Variants in STK33 observed in about 807,000 individuals in gnomAD.
STK33 encodes serine/threonine kinase 33.
Under a neutral mutation model 58.0 loss-of-function variants are expected in STK33, and 52 were observed. The observed-to-expected ratio is 0.90, with a 90% CI of 0.72 to 1.13. The LOEUF is 1.13. Ranked by LOEUF, STK33 falls within the 50% of genes most tolerant of loss-of-function variation. The pLI is 0.00. For missense variants in STK33, 630 were observed against 604.2 expected (o/e 1.04, Z -0.45); for synonymous variants, 215 against 200.1 (o/e 1.07, Z -0.63).
chr11:8,395,921 A>G (rs1381446056), intron 15 of STK33, among the ~76,000 whole-genome samples: 1 of 152,222 alleles, frequency 6.6e-6, no homozygotes, highest in Non-Finnish European at 1.5e-5. Flanking sequence ...AGTAGCATAC[A>G]AGAGTGCCTG....
At chr11:8,507,525 T>C (rs1445037983) in intron 1 of STK33, among the ~76,000 whole-genome samples, 2 of 152,128 alleles carry the variant, frequency 1.3e-5, no homozygotes, top group African/African-American at 4.8e-5. Context: ...CGAAGAGTCT[T>C]TGATGACTCC....
chr11:8,359,328 G>A, the STK33 span, among the ~76,000 whole-genome samples: 4 of 152,224 alleles, frequency 2.6e-5, no homozygotes, highest in Non-Finnish European at 5.9e-5. Context: ...AATGCATGCT[G>A]AAGTGTTTTC....
At chr11:8,492,721 A>G (rs1223092371) in intron 1 of STK33, among the ~76,000 whole-genome samples, 1 of 152,234 alleles carries the variant, frequency 6.6e-6, no homozygotes, top group Non-Finnish European at 1.5e-5. Flanking sequence ...AGCAAATGTA[A>G]AAGAACAGAA....
chr11:8,421,759 A>C (rs1054391821), intron 14 of STK33, among the ~76,000 whole-genome samples: 2 of 152,158 alleles, frequency 1.3e-5, no homozygotes, highest in Non-Finnish European at 2.9e-5. Flanking sequence ...AAAATGTTCT[A>C]ACTTTCCCCA....
intron 7 of STK33, among the ~76,000 whole-genome samples, chr11:8,463,582 G>C (rs1465395938): frequency 6.6e-6 from 1 of 152,122 alleles, no homozygotes; most frequent in African/African-American, 2.4e-5. Flanking sequence ...GTCTAGACTA[G>C]ATATGGAAAG....
intron 15 of STK33, among the ~76,000 whole-genome samples, chr11:8,409,115 T>C (rs971429692): frequency 1.3e-5 from 2 of 152,252 alleles, no homozygotes; most frequent in Non-Finnish European, 2.9e-5. Context: ...TTTTGAAGGA[T>C]AGCAGTTGAG....
chr11:8,500,316 A>G (rs1951418416), intron 1 of STK33, among the ~76,000 whole-genome samples: 1 of 146,510 alleles, frequency 6.8e-6, no homozygotes, highest in Admixed American at 7.0e-5. Flanking sequence ...TAAGGAATAC[A>G]TACATACACA....
the STK33 span, among the ~76,000 whole-genome samples, chr11:8,384,289 T>C: frequency 6.6e-6 from 1 of 152,044 alleles, no homozygotes; most frequent in Non-Finnish European, 1.5e-5. Flanking sequence ...AAGACAAGAG[T>C]GTGAGCCCTC....
intron 11 of STK33, among the ~76,000 whole-genome samples, chr11:8,444,451 T>G (rs1229082289): frequency 6.6e-6 from 1 of 152,182 alleles, no homozygotes; most frequent in Non-Finnish European, 1.5e-5. Context: ...CATTTTTATG[T>G]TTTGTTCACT....
the STK33 span, among the ~76,000 whole-genome samples, chr11:8,349,703 C>A: frequency 6.6e-6 from 1 of 152,198 alleles, no homozygotes; most frequent in African/African-American, 2.4e-5. Context: ...TGCCCCCAGT[C>A]GGGACAATTA....
intron 14 of STK33, among the ~76,000 whole-genome samples, chr11:8,416,540 TCA>T (rs1941155329): frequency 1.3e-5 from 2 of 152,182 alleles, no homozygotes; most frequent in African/African-American, 2.4e-5. Context: ...GATCATTTTT[TCA>T]CAGTTTCATA....
At chr11:8,466,146 C>T (rs1948155044) in intron 6 of STK33, 1 of 152,160 alleles carries the variant, frequency 6.6e-6, no homozygotes, top group Non-Finnish European at 1.5e-5. Context: ...TAGAGCCAAA[C>T]CATATCATTC....
intron 11 of STK33, among the ~76,000 whole-genome samples, chr11:8,441,735 T>A (rs1430992817): frequency 6.6e-6 from 1 of 152,028 alleles, no homozygotes; most frequent in African/African-American, 2.4e-5. Flanking sequence ...TCAGATATAT[T>A]TAAGAAAAAA....
intron 15 of STK33, among the ~76,000 whole-genome samples, chr11:8,411,900 T>C (rs1187460125): frequency 6.6e-6 from 1 of 152,214 alleles, no homozygotes; most frequent in African/African-American, 2.4e-5. Flanking sequence ...AATTCTTCTG[T>C]TCCCTAGTTG....
the STK33 span, among the ~76,000 whole-genome samples, chr11:8,354,943 G>C: frequency 6.6e-6 from 1 of 152,268 alleles, no homozygotes; most frequent in Non-Finnish European, 1.5e-5. Flanking sequence ...CCAGCCAGGC[G>C]CAGCCTGAAT....
intron 1 of STK33, among the ~76,000 whole-genome samples, chr11:8,590,030 G>A (rs570278678): frequency 1.3e-5 from 2 of 152,290 alleles, no homozygotes; most frequent in East Asian, 1.9e-4. Context: ...AAGAACCTGA[G>A]CCTCAGATGC....
At chr11:8,382,496 G>T in the STK33 span, among the ~76,000 whole-genome samples, 2 of 152,354 alleles carry the variant, frequency 1.3e-5, no homozygotes, top group African/African-American at 2.4e-5. Flanking sequence ...CCCTGCAAAA[G>T]ACTCAGATTC....
chr11:8,357,538 A>G, the STK33 span, among the ~76,000 whole-genome samples: 1 of 152,246 alleles, frequency 6.6e-6, no homozygotes, highest in Admixed American at 6.5e-5. Context: ...GCCGGGCATA[A>G]TTGGGCTCCT....
chr11:8,408,754 G>A (rs1300600456), intron 15 of STK33, among the ~76,000 whole-genome samples: 1 of 152,194 alleles, frequency 6.6e-6, no homozygotes, highest in Non-Finnish European at 1.5e-5. Context: ...TACAGTGCAA[G>A]GATGCAAAGC....
Sources: allele counts gnomAD v4.1 joint callset (sites outside exome capture counted in the v4.1 genomes callset), GRCh38; gene constraint gnomAD v4.1.1; transcripts MANE v1.5; gene names NCBI Gene and HGNC (gene_info 2026-07-23, HGNC 2026-07-21).